The following NRAP variants were observed in gnomAD, a reference collection of about 807,000 sequenced individuals.
The protein encoded by NRAP is nebulin-related-anchoring protein.
NRAP carries 189 observed loss-of-function variants against 225.9 expected under a neutral mutation model. The observed-to-expected ratio is 0.84, with a 90% CI of 0.74 to 0.94. NRAP has a LOEUF of 0.94. NRAP is among the 40% of genes least tolerant of loss of function. NRAP has a pLI of 0.00. For synonymous variants in NRAP, 769 were observed against 790.7 expected, an observed-to-expected ratio of 0.97 and a Z score of 0.46; for missense variants, 2,176 against 2,168.7, an observed-to-expected ratio of 1.00 and a Z score of -0.07.
At chr10:113,634,283 C>A in intron 14 of NRAP, 73 bp from the exon 15 acceptor site, 1 of 1,087,948 alleles carries the variant, frequency 9.2e-7, no homozygotes, top group Admixed American at 1.7e-5. Context: ...CTCTCCCAAG[C>A]CCAATAAAGT....
intron 38 of NRAP, among the ~76,000 whole-genome samples, chr10:113,593,719 C>A (rs192822788): frequency 6.6e-6 from 1 of 152,140 alleles, no homozygotes; most frequent in Admixed American, 6.5e-5. Context: ...TTTGGGTGGC[C>A]CCACAAAGGT....
chr10:113,590,564 T>C lies in NRAP; in HGVS notation c.4956+14A>G, dbSNP rs1031491369. On this transcript the variant is annotated intron_variant, in intron 40 of 41. Coordinates refer to ENST00000359988, the MANE Select transcript of NRAP (RefSeq NM_198060.4). ...AGGGGAAGGGCCTCAAGGGAGTGGGTGGAGGTGGCTCACATCACTCTGCAG... is the reference window on the plus strand; with the variant it reads ...AGGGGAAGGGCCTCAAGGGAGTGGGCGGAGGTGGCTCACATCACTCTGCAG... 5 of 1,603,476 alleles carry C rather than the reference T, an allele frequency of 3.1e-6. No homozygotes were observed. The highest frequency in any genetic ancestry group is 3.3e-5 in the Admixed American group (2 of 59,914).
intron 26 of NRAP, among the ~76,000 whole-genome samples, chr10:113,616,196 T>G (rs994325404): frequency 2.0e-5 from 3 of 152,164 alleles, no homozygotes; most frequent in African/African-American, 7.2e-5. Context: ...CTTGTACAGG[T>G]GAGGTTTTCT....
At chr10:113,594,577 A>AG (rs1417596727) in intron 38 of NRAP, among the ~76,000 whole-genome samples, 2 of 152,208 alleles carry the variant, frequency 1.3e-5, no homozygotes, top group Non-Finnish European at 2.9e-5. Context: ...GGCTCTGCTG[A>AG]GGGGGAGGTC....
chr10:113,625,938 G>A lies in NRAP; in HGVS notation c.2244+109C>T. On this transcript the variant is annotated intron_variant, in intron 21 of 41. Transcript: ENST00000359988. ...CTGGGTCCAGCCTATTTAGAGGGAA[G>A]GCTCTTTGGTTTCTGGATTGTGCCT... is the stretch of plus-strand genomic sequence containing the variant. 5 of 669,458 alleles carry A rather than the reference G, an allele frequency of 7.5e-6. No individual in the cohort carries two copies. In the South Asian group the frequency reaches 8.4e-5, roughly 11 times the overall value. The allele number at this position is 669,458 out of a possible 1,614,324, so 41.5% of individuals were successfully genotyped here. A position where few individuals can be genotyped will look rare whatever the true frequency, so the allele number is the denominator to read the frequency against.
chr10:113,592,182 T>C lies in NRAP; in HGVS notation c.4644+12A>G, dbSNP rs375241863. ...TCATCAGTGACCGCAGGAGAGAACATGGGGGTCTTACATCACTGGCGATCT... is the reference window on the plus strand; with the variant it reads ...TCATCAGTGACCGCAGGAGAGAACACGGGGGTCTTACATCACTGGCGATCT... On this transcript the variant is annotated intron_variant, in intron 39 of 41. Coordinates refer to ENST00000359988, the MANE Select transcript of NRAP (RefSeq NM_198060.4). 36 of 1,550,088 alleles carry C rather than the reference T, an allele frequency of 2.3e-5. No individual in the cohort carries two copies. In the African/African-American group the frequency reaches 4.6e-4, roughly 20 times the overall value.
At chr10:113,648,467 C>CTCTCTATATATATATA (rs749486311) in intron 9 of NRAP, among the ~76,000 whole-genome samples, 76 of 87,370 alleles carry the variant, frequency 8.7e-4, no homozygotes, top group Admixed American at 1.5e-3. Flanking sequence ...CTCTCTCTCT[C>CTCTCTATATATATATA]TATATATATA....
At position 113,606,857 on chromosome 10, in the gene NRAP, G is replaced by A. The variant is rs1846999256; in HGVS notation, c.3703-575C>T. On this transcript the variant is annotated intron_variant, in intron 32 of 41. Coordinates refer to ENST00000359988, the MANE Select transcript of NRAP (RefSeq NM_198060.4). The stretch of plus-strand genomic sequence containing the variant: ...ATGAGGCCAGTGGATCACCAGGTCA[G>A]GAGTTCGAGACCAGCCTGGCCAACA... Among the ~76,000 whole-genome samples, 3 of 152,094 alleles carry A rather than the reference G, an allele frequency of 2.0e-5. No homozygotes were observed. The South Asian group carries it at 6.2e-4, about 32-fold the overall frequency.
chr10:113,657,390 A>G lies in NRAP; in HGVS notation c.360+80T>C. ...AGGAAACCTACTTGGTTTTCTCTAGAAGTAATAATAATAATACACTCAATT... is the reference window on the plus strand; with the variant it reads ...AGGAAACCTACTTGGTTTTCTCTAGGAGTAATAATAATAATACACTCAATT... On this transcript the variant is annotated intron_variant, in intron 4 of 41. Transcript: ENST00000359988. 7.7e-6 allele frequency: 6 copies of G among 779,406 alleles called. 1 individual carries two copies. The South Asian group carries it at 7.9e-5, about 10-fold the overall frequency. The allele number at this position is 779,406 out of a possible 1,614,324, so 48.3% of individuals were successfully genotyped here.
intron 32 of NRAP, 118 bp downstream of exon 32, chr10:113,608,296 C>A: frequency 1.5e-6 from 1 of 647,488 alleles, no homozygotes; most frequent in East Asian, 2.6e-5. Context: ...ACATTCTTTT[C>A]TTTCCAAACC....
In NRAP at chr10:113,621,873, C is replaced by T. The variant is rs777933202; in HGVS notation, c.2765G>A (p.Ser922Asn). Residue 922 changes from serine (S) to asparagine (N), a missense_variant, in exon 24 of 42, where the codon AGT becomes AAT. Coordinates refer to ENST00000359988, the MANE Select transcript of NRAP (RefSeq NM_198060.4). ...EWAKKAYGLQ[S>N]DNQYRADVKW... ...ACACACTCACACAGAGCTTACATCA[C>T]TCTGTAAGCCATAAGCCTTCTTGGC... The T allele has an allele frequency of 4.5e-5, 73 of 1,607,418 alleles. No individual in the cohort carries two copies. Among genetic ancestry groups the T allele is most frequent in the Non-Finnish European group, 6.1e-5 (72 of 1,175,284 alleles).
chr10:113,596,461 A>G (rs1442248607), intron 37 of NRAP, among the ~76,000 whole-genome samples: 1 of 152,238 alleles, frequency 6.6e-6, no homozygotes, highest in Admixed American at 6.5e-5. Context: ...CTGTGCATGT[A>G]GAACTGAATC....
intron 35 of NRAP, among the ~76,000 whole-genome samples, chr10:113,599,587 G>T (rs1265079825): frequency 1.3e-5 from 2 of 152,112 alleles, no homozygotes; most frequent in Admixed American, 1.3e-4. Context: ...AAAGCAAGAT[G>T]CAGGTTCCCC....
chr10:113,634,840 A>G (rs1262543752), intron 14 of NRAP, among the ~76,000 whole-genome samples: 1 of 152,232 alleles, frequency 6.6e-6, no homozygotes, highest in East Asian at 1.9e-4. Flanking sequence ...AGAGAAACAA[A>G]AAGTCCAACC....
At chr10:113,604,482 T>G in intron 35 of NRAP, 127 bp downstream of exon 35, 1 of 708,296 alleles carries the variant, frequency 1.4e-6, no homozygotes, top group Non-Finnish European at 2.3e-6. Context: ...CAGCAAATCA[T>G]TGTTTGGGGA....
chr10:113,652,610 T>G (rs183533073), intron 6 of NRAP, among the ~76,000 whole-genome samples: 105 of 150,802 alleles, frequency 7.0e-4, no homozygotes, highest in African/African-American at 2.5e-3. Flanking sequence ...AAAATAAAAA[T>G]AAAATAAAAA....
intron 29 of NRAP, among the ~76,000 whole-genome samples, chr10:113,613,503 G>A (rs534252423): frequency 3.9e-5 from 6 of 152,294 alleles, no homozygotes; most frequent in South Asian, 2.1e-4. Context: ...ATATAAAAGC[G>A]TTTAGCCTCT....
chr10:113,647,121 A>C, intron 9 of NRAP, 94 bp from the exon 10 acceptor site: 1 of 801,170 alleles, frequency 1.2e-6, no homozygotes, highest in South Asian at 1.4e-5. Flanking sequence ...ATTCTCACAG[A>C]GGTTCATCCA....
intron 12 of NRAP, 139 bp downstream of exon 12, chr10:113,642,795 A>C (rs1009845662): frequency 8.2e-6 from 5 of 610,708 alleles, no homozygotes; most frequent in Admixed American, 2.9e-5. Flanking sequence ...AACCTTAACC[A>C]AAACCCAGGC....
Sources: gnomAD v4.1 joint callset for allele counts (sites outside exome capture counted in the v4.1 genomes callset) on GRCh38, gnomAD v4.1.1 for gene constraint, MANE v1.5 for transcripts, NCBI Gene and HGNC (gene_info 2026-07-23, HGNC 2026-07-21) for gene names.